The following ARHGAP15 variants were observed in gnomAD, a reference collection of about 807,000 sequenced individuals.
ARHGAP15 encodes the protein rho GTPase-activating protein 15.
A neutral mutation model predicts 63.7 loss-of-function variants in ARHGAP15; 51 were observed. The ratio of observed to expected loss-of-function variants is 0.80; its 90% CI spans 0.64 to 1.01. The LOEUF is 1.01. Ranked by LOEUF, ARHGAP15 falls within the 50% of genes least tolerant of loss-of-function variation. The pLI, the probability that ARHGAP15 is intolerant of heterozygous loss-of-function variation, is 0.00. For synonymous variants in ARHGAP15, 191 were observed against 193.8 expected (o/e 0.99, Z 0.12); for missense variants, 560 against 564.6 (o/e 0.99, Z 0.08).
intron 9 of ARHGAP15, among the ~76,000 whole-genome samples, chr2:143,488,721 C>T (rs1692438164): frequency 6.6e-6 from 1 of 152,216 alleles, no homozygotes; most frequent in Non-Finnish European, 1.5e-5. Flanking sequence ...TTCAATCTAT[C>T]AGTTTCCGTC....
chr2:143,348,924 C>G (rs1349736426), intron 6 of ARHGAP15, among the ~76,000 whole-genome samples: 1 of 152,108 alleles, frequency 6.6e-6, no homozygotes, highest in Non-Finnish European at 1.5e-5. Context: ...GTTCCATTCT[C>G]TATGAATCGC....
chr2:143,407,801 G>T (rs1688266028), intron 6 of ARHGAP15, among the ~76,000 whole-genome samples: 1 of 149,586 alleles, frequency 6.7e-6, no homozygotes, highest in Admixed American at 6.7e-5. Flanking sequence ...AATTCTTTTG[G>T]GCTCTCAGTA....
intron 6 of ARHGAP15, among the ~76,000 whole-genome samples, chr2:143,333,312 T>C (rs1261824040): frequency 6.6e-6 from 1 of 152,174 alleles, no homozygotes; most frequent in Non-Finnish European, 1.5e-5. Context: ...TGCAGTGTTA[T>C]TACCATATGA....
chr2:143,537,495 A>G (rs1324812609), intron 10 of ARHGAP15, among the ~76,000 whole-genome samples: 5 of 152,052 alleles, frequency 3.3e-5, no homozygotes, highest in South Asian at 2.1e-4. Flanking sequence ...TTTCTTCTAG[A>G]GTTTTTATGG....
At chr2:143,620,932 T>C (rs190873440) in intron 11 of ARHGAP15, among the ~76,000 whole-genome samples, 85 of 152,348 alleles carry the variant, frequency 5.6e-4, no homozygotes, top group African/African-American at 1.4e-3. Context: ...CTCAAGGTCA[T>C]ATTAAGGAAA....
At chr2:143,406,087 A>G (rs889565336) in intron 6 of ARHGAP15, among the ~76,000 whole-genome samples, 5 of 151,612 alleles carry the variant, frequency 3.3e-5, no homozygotes, top group Admixed American at 6.6e-5. Flanking sequence ...TTCTTTTTCA[A>G]TTGTACCAAT....
At chr2:143,291,450 G>GT (rs1335119992) in intron 6 of ARHGAP15, among the ~76,000 whole-genome samples, 1 of 54,138 alleles carries the variant, frequency 1.8e-5, no homozygotes, top group Non-Finnish European at 4.1e-5. Context: ...ACATTTGTGT[G>GT]TGTTCTAATG....
chr2:143,585,472 G>A (rs1401795029), intron 11 of ARHGAP15, among the ~76,000 whole-genome samples: 1 of 152,056 alleles, frequency 6.6e-6, no homozygotes, highest in African/African-American at 2.4e-5. Flanking sequence ...ATGTGTTGGT[G>A]TAGAGAGATT....
intron 6 of ARHGAP15, among the ~76,000 whole-genome samples, chr2:143,253,965 T>A (rs1220929453): frequency 6.6e-6 from 1 of 152,100 alleles, no homozygotes; most frequent in Non-Finnish European, 1.5e-5. Context: ...ATGTTCATTG[T>A]CAAGGACTGT....
Position 143,703,436 on chromosome 2 carries a change from A to C in ARHGAP15, c.1156A>C (p.Thr386Pro), listed in dbSNP as rs1433138226. The change falls in exon 13 of 14, where the codon ACA becomes CCA. Residue 386 changes from threonine to proline, a missense_variant. Physicochemically the swap from Thr to Pro is conservative, Grantham distance 38. Coordinates refer to ENST00000295095, the MANE Select transcript of ARHGAP15 (RefSeq NM_018460.4). Reference protein sequence around the residue: ...VEAIKKQDNNTRIEAVKSLVQ... With the variant: ...VEAIKKQDNNPRIEAVKSLVQ... Reference sequence around the variant, plus strand: ...TTTTCCAGAAAAGCAAGACAACAACACAAGAATTGAAGCTGTAAAATCTCT... The same window carrying C: ...TTTTCCAGAAAAGCAAGACAACAACCCAAGAATTGAAGCTGTAAAATCTCT... 1.2e-6 allele frequency: 2 copies of C among 1,609,328 alleles called. No homozygotes were observed. Among genetic ancestry groups the C allele is most frequent in the Admixed American group, 1.7e-5 (1 of 59,214 alleles).
chr2:143,608,878 T>A (rs1698149201), intron 11 of ARHGAP15: 1 of 152,230 alleles, frequency 6.6e-6, no homozygotes, highest in Admixed American at 6.5e-5. Context: ...TGTCATGAGT[T>A]AATTATGTTA....
chr2:143,539,770 C>T (rs7599016), intron 10 of ARHGAP15, among the ~76,000 whole-genome samples: 41,717 of 151,372 alleles, frequency 0.28, 6,142 homozygotes, highest in African/African-American at 0.39. Flanking sequence ...TCTGTTCTTT[C>T]ACATTTGCTG....
chr2:143,398,624 T>C (rs995567047), intron 6 of ARHGAP15, among the ~76,000 whole-genome samples: 1 of 152,104 alleles, frequency 6.6e-6, no homozygotes, highest in Non-Finnish European at 1.5e-5. Context: ...AAACCTAATA[T>C]ATTGAGTTTT....
intron 5 of ARHGAP15, among the ~76,000 whole-genome samples, chr2:143,235,153 G>A (rs1305208258): frequency 6.6e-6 from 1 of 151,728 alleles, no homozygotes; most frequent in Non-Finnish European, 1.5e-5. Flanking sequence ...TACATATAAG[G>A]CATAGAGATA....
intron 5 of ARHGAP15, among the ~76,000 whole-genome samples, chr2:143,238,786 A>G (rs1262152578): frequency 6.6e-6 from 1 of 152,226 alleles, no homozygotes. Flanking sequence ...AAGACATGGA[A>G]TCAACCTAAA....
intron 6 of ARHGAP15, among the ~76,000 whole-genome samples, chr2:143,257,700 C>T (rs1004994): frequency 6.6e-5 from 10 of 152,040 alleles, no homozygotes; most frequent in African/African-American, 1.4e-4. Context: ...TGGCTTGCAA[C>T]GCACTTTCTC....
intron 6 of ARHGAP15, among the ~76,000 whole-genome samples, chr2:143,256,564 G>A (rs549469571): frequency 7.2e-5 from 11 of 152,066 alleles, no homozygotes; most frequent in African/African-American, 2.7e-4. Flanking sequence ...CTTGCAAAAG[G>A]TAACATAGAA....
chr2:143,343,767 G>A (rs1685158196), intron 6 of ARHGAP15, among the ~76,000 whole-genome samples: 1 of 151,972 alleles, frequency 6.6e-6, no homozygotes, highest in Non-Finnish European at 1.5e-5. Flanking sequence ...TTAAAATTGG[G>A]GAGCTTTCTC....
intron 2 of ARHGAP15, among the ~76,000 whole-genome samples, chr2:143,169,265 T>A (rs1690670116): frequency 6.6e-6 from 1 of 152,062 alleles, no homozygotes; most frequent in South Asian, 2.1e-4. Context: ...TAGCTGAAGC[T>A]AAGTATCTCT....
Sources: gnomAD v4.1 joint callset for allele counts (sites outside exome capture counted in the v4.1 genomes callset) on GRCh38, gnomAD v4.1.1 for gene constraint, MANE v1.5 for transcripts, NCBI Gene and HGNC (gene_info 2026-07-23, HGNC 2026-07-21) for gene names.